Variants in KCNN2 observed in about 807,000 individuals in gnomAD.
KCNN2 encodes the protein potassium calcium-activated channel subfamily N member 2, also known as small conductance calcium-activated potassium channel protein 2.
Under a neutral mutation model 55.5 loss-of-function variants are expected in KCNN2, and 24 were observed. That is an observed-to-expected ratio of 0.43 (90% CI 0.31 to 0.61). The LOEUF (loss-of-function observed/expected upper bound fraction) is 0.61. Among genes scored for constraint, KCNN2 ranks in the 20% least tolerant of loss-of-function variants. KCNN2 has a pLI of 0.08. For missense variants in KCNN2, 754 were observed against 853.6 expected (o/e 0.88, Z 1.45); for synonymous variants, 431 against 336.1 (o/e 1.28, Z -3.09).
At position 114,301,638 on chromosome 5, in the gene KCNN2, A is replaced by G. The variant is rs192759155; in HGVS notation, c.-184-59307A>G. On this transcript the variant is annotated intron_variant, in intron 2 of 10. Coordinates refer to the KCNN2 transcript ENST00000512097. Reference sequence around the variant, plus strand: ...GGGGAACAAGCCAGCGTGGGAGCCAAACTAATATAACTTGCCCCATTGGCT... The same window carrying G: ...GGGGAACAAGCCAGCGTGGGAGCCAGACTAATATAACTTGCCCCATTGGCT... 1.3e-3 allele frequency among the ~76,000 whole-genome samples: 203 copies of G among 152,228 alleles called. 1 individual carries two copies. Among genetic ancestry groups the G allele is most frequent in the African/African-American group, 4.7e-3 (195 of 41,540 alleles).
chr5:114,250,202 T>TA (rs1188599733), intron 2 of KCNN2, among the ~76,000 whole-genome samples: 1 of 152,104 alleles, frequency 6.6e-6, no homozygotes, highest in East Asian at 1.9e-4. Flanking sequence ...ATAAGCCTTT[T>TA]AAAAAAAGGA....
chr5:114,113,334 C>T (rs911293966), intron 1 of KCNN2, among the ~76,000 whole-genome samples: 10 of 151,716 alleles, frequency 6.6e-5, no homozygotes, highest in South Asian at 2.1e-4. Flanking sequence ...AGTCAGATCT[C>T]GGTCTCATTA....
chr5:114,369,354 A>G (rs551130563), intron 2 of KCNN2, among the ~76,000 whole-genome samples: 6 of 152,302 alleles, frequency 3.9e-5, no homozygotes, highest in African/African-American at 1.4e-4. Flanking sequence ...CAGCAAATGG[A>G]GTTATCAGAA....
chr5:114,262,904 C>G (rs1028330011), intron 2 of KCNN2, among the ~76,000 whole-genome samples: 1 of 151,926 alleles, frequency 6.6e-6, no homozygotes, highest in Non-Finnish European at 1.5e-5. Context: ...CTAAATGTCC[C>G]AATAATACTA....
At chr5:114,420,705 T>C (rs550628541) in intron 3 of KCNN2, among the ~76,000 whole-genome samples, 1 of 152,348 alleles carries the variant, frequency 6.6e-6, no homozygotes, top group East Asian at 1.9e-4. Context: ...ACATTTTTAC[T>C]TTAAATTAAG....
intron 1 of KCNN2, among the ~76,000 whole-genome samples, chr5:114,089,937 T>C (rs1751101439): frequency 1.3e-5 from 2 of 152,188 alleles, no homozygotes; most frequent in South Asian, 4.1e-4. Flanking sequence ...TTCTTAATAC[T>C]TTTATTGTTT....
chr5:114,441,551 A>T lies in KCNN2; in HGVS notation c.1638-21498A>T, dbSNP rs543161544. 3.8e-3 allele frequency among the ~76,000 whole-genome samples: 572 copies of T among 152,340 alleles called. 6 individuals are homozygous for T. The highest frequency in any genetic ancestry group is 0.013 in the African/African-American group (548 of 41,570). On this transcript the variant is annotated intron_variant, in intron 3 of 7. Coordinates refer to ENST00000673685, the MANE Select transcript of KCNN2 (RefSeq NM_021614.4). Reference sequence around the variant, plus strand: ...GTAACTAAACTAAAAACATACTGTTAGTCTTCCCTCCTCCCTAGCAATAAA... The same window carrying T: ...GTAACTAAACTAAAAACATACTGTTTGTCTTCCCTCCTCCCTAGCAATAAA...
At chr5:114,287,786 A>G (rs2150015977) in intron 2 of KCNN2, among the ~76,000 whole-genome samples, 1 of 151,760 alleles carries the variant, frequency 6.6e-6, no homozygotes, top group East Asian at 1.9e-4. Context: ...ATACTCAGAG[A>G]GTAGGATGCT....
intron 1 of KCNN2, among the ~76,000 whole-genome samples, chr5:114,089,609 C>T (rs1295221082): frequency 6.6e-6 from 1 of 152,156 alleles, no homozygotes; most frequent in East Asian, 1.9e-4. Flanking sequence ...TTGCCAATTC[C>T]AGCTGCCTGT....
At chr5:114,177,283 G>C (rs542414725) in intron 1 of KCNN2, among the ~76,000 whole-genome samples, 1 of 151,872 alleles carries the variant, frequency 6.6e-6, no homozygotes, top group South Asian at 2.1e-4. Context: ...GACTACAGGA[G>C]CCCGCCACCG....
At chr5:114,264,897 G>A (rs993774007) in intron 2 of KCNN2, among the ~76,000 whole-genome samples, 1 of 152,130 alleles carries the variant, frequency 6.6e-6, no homozygotes, top group Non-Finnish European at 1.5e-5. Flanking sequence ...GTGCCCTCAG[G>A]GATATAAGCA....
exon 2 of KCNN2, among the ~76,000 whole-genome samples, chr5:114,221,563 A>G (rs6863368): frequency 0.82 from 124,358 of 152,134 alleles, 50,968 homozygotes; most frequent in East Asian, 0.9. Context: ...ATAAGCAATA[A>G]CAGTGAGTAA....
At chr5:114,461,207 A>G (rs1468766283) in intron 3 of KCNN2, among the ~76,000 whole-genome samples, 1 of 152,114 alleles carries the variant, frequency 6.6e-6, no homozygotes, top group Non-Finnish European at 1.5e-5. Context: ...CTAGGTATAT[A>G]TTAGGTAACA....
At chr5:114,069,362 T>TA (rs202172690) in intron 1 of KCNN2, among the ~76,000 whole-genome samples, 8,015 of 151,872 alleles carry the variant, frequency 0.053, 244 homozygotes, top group Non-Finnish European at 0.065. Flanking sequence ...GCCTCTCATT[T>TA]TTTATGGTAA....
chr5:114,243,948 G>A (rs763373297), intron 2 of KCNN2, among the ~76,000 whole-genome samples: 1 of 152,144 alleles, frequency 6.6e-6, no homozygotes, highest in South Asian at 2.1e-4. Flanking sequence ...CGGATTGCAA[G>A]TACTGGATCC....
intron 1 of KCNN2, among the ~76,000 whole-genome samples, chr5:114,107,245 A>T (rs6881490): frequency 0.046 from 7,001 of 152,132 alleles, 530 homozygotes; most frequent in African/African-American, 0.16. Flanking sequence ...TTGTTCCAAC[A>T]GTCTATTTGT....
chr5:114,170,393 G>A (rs929265133), intron 1 of KCNN2, among the ~76,000 whole-genome samples: 6 of 152,138 alleles, frequency 3.9e-5, no homozygotes, highest in Non-Finnish European at 8.8e-5. Flanking sequence ...GTGGCATAAT[G>A]TTAATGACTA....
At chr5:114,254,511 G>C (rs1424955205) in intron 2 of KCNN2, among the ~76,000 whole-genome samples, 1 of 152,106 alleles carries the variant, frequency 6.6e-6, no homozygotes, top group African/African-American at 2.4e-5. Context: ...CTGCAGAAAG[G>C]TCTTCAAAAA....
intron 1 of KCNN2, among the ~76,000 whole-genome samples, chr5:114,209,385 C>T (rs1239770358): frequency 1.3e-5 from 2 of 151,910 alleles, no homozygotes; most frequent in Non-Finnish European, 2.9e-5. Flanking sequence ...TACTCTTCAT[C>T]TCCTTTTTAA....
Sources: allele counts gnomAD v4.1 joint callset (sites outside exome capture counted in the v4.1 genomes callset), GRCh38; gene constraint gnomAD v4.1.1; transcripts MANE v1.5; gene names NCBI Gene and HGNC (gene_info 2026-07-23, HGNC 2026-07-21).